USP31: variants seen among roughly 807,000 people sequenced by gnomAD.
USP31 encodes ubiquitin carboxyl-terminal hydrolase 31.
A neutral mutation model predicts 119.4 loss-of-function variants in USP31; 44 were observed. The observed-to-expected ratio is 0.37, with a 90% CI of 0.29 to 0.47. USP31 has a LOEUF of 0.47. USP31 is among the 20% of genes least tolerant of loss of function. USP31 has a pLI of 0.99. For synonymous variants in USP31, 749 were observed against 705.6 expected, an observed-to-expected ratio of 1.06 and a Z score of -0.97; for missense variants, 1,643 against 1,730.2, an observed-to-expected ratio of 0.95 and a Z score of 0.89.
chr16:23,085,450 G>A, intron 10 of USP31, 135 bp downstream of exon 10: 1 of 791,704 alleles, frequency 1.3e-6, no homozygotes, highest in Admixed American at 2.4e-5. Flanking sequence ...TAAATAAAGG[G>A]TTAACAACAC....
At chr16:23,119,261 G>A (rs1902593992) in intron 1 of USP31, among the ~76,000 whole-genome samples, 1 of 151,860 alleles carries the variant, frequency 6.6e-6, no homozygotes, top group South Asian at 2.1e-4. Context: ...ACCATGCCCA[G>A]CTAATTTTTG....
intron 7 of USP31, among the ~76,000 whole-genome samples, chr16:23,088,544 G>T (rs1317357044): frequency 6.6e-6 from 1 of 152,144 alleles, no homozygotes; most frequent in African/African-American, 2.4e-5. Flanking sequence ...CGCCCAGTCA[G>T]TCAAACCTGA....
At chr16:23,082,964 G>A (rs1900903925) in intron 11 of USP31, among the ~76,000 whole-genome samples, 1 of 151,108 alleles carries the variant, frequency 6.6e-6, no homozygotes, top group Admixed American at 6.6e-5. Context: ...TTCAGTAGCT[G>A]GGACCACAGG....
Position 23,090,741 on chromosome 16 carries a change from G to A in USP31, c.1298C>T (p.Ser433Phe), listed in dbSNP as rs751889570. The change falls in exon 7 of 16, where the codon TCT becomes TTT. Residue 433 changes from serine (S) to phenylalanine (F), a missense_variant. Ser to Phe is a radical substitution (Grantham distance 155). Around this residue, in one of 5 missense-constraint regions of USP31, gnomAD observed 219 missense variants for 226.4 expected, o/e 0.97. Transcript: ENST00000219689. ...KFGLDYHRLS[S>F]PTQTAAKQGK... Reference sequence around the variant, plus strand: ...CTGCTTTGCTGCTGTTTGTGTAGGAGAAGACAGTCTATGATAATCCAAGCC... The same window carrying A: ...CTGCTTTGCTGCTGTTTGTGTAGGAAAAGACAGTCTATGATAATCCAAGCC... The A allele has an allele frequency of 5.6e-6, 9 of 1,613,918 alleles. No homozygotes were observed. In the South Asian group the frequency reaches 7.7e-5, roughly 14 times the overall value.
Position 23,148,880 on chromosome 16 carries a change from GGAGCCCCGCCACGCC to G in USP31, c.376_390del (p.Gly126_Leu130del). The G allele has an allele frequency of 6.8e-7, 1 of 1,470,918 alleles. No individual in the cohort carries two copies. Among genetic ancestry groups the G allele is most frequent in the East Asian group, 2.8e-5 (1 of 35,786 alleles). The allele number at this position is 1,470,918 out of a possible 1,614,324, so 91.1% of individuals were successfully genotyped here. ...ATGAAGCACGTGTTGCCGTGGTTGC[GGAGCCCCGCCACGCC>G]GGGCACCGGCTCGGCGGCGCAAGCG... is the stretch of plus-strand genomic sequence containing the variant. On this transcript the variant is annotated inframe_deletion, in exon 1 of 16. Transcript: ENST00000219689.
chr16:23,145,175 T>C (rs1301172589), intron 1 of USP31, among the ~76,000 whole-genome samples: 2 of 152,326 alleles, frequency 1.3e-5, no homozygotes, highest in East Asian at 3.9e-4. Context: ...GGAGCCACCT[T>C]TTTGGTAATG....
chr16:23,070,142 C>G (rs890213187), intron 15 of USP31, among the ~76,000 whole-genome samples: 4 of 152,216 alleles, frequency 2.6e-5, no homozygotes, highest in Non-Finnish European at 4.4e-5. Context: ...CCCAACAGAG[C>G]ACCTGGCATT....
At chr16:23,133,537 T>A (rs574296491) in intron 1 of USP31, among the ~76,000 whole-genome samples, 236 of 152,330 alleles carry the variant, frequency 1.5e-3, no homozygotes, top group African/African-American at 5.5e-3. Context: ...TCATACAACA[T>A]GGGGATTATC....
At chr16:23,128,416 ATAAC>A (rs1902931125) in intron 1 of USP31, among the ~76,000 whole-genome samples, 1 of 152,236 alleles carries the variant, frequency 6.6e-6, no homozygotes, top group African/African-American at 2.4e-5. Flanking sequence ...GTTAAAAACT[ATAAC>A]TGACTGAATA....
intron 11 of USP31, 63 bp from the exon 12 acceptor site, chr16:23,082,620 C>T (rs1812938244): frequency 1.4e-5 from 22 of 1,605,702 alleles, no homozygotes; most frequent in Non-Finnish European, 1.8e-5. Flanking sequence ...TACAGCTGGA[C>T]TAATGCCTTA....
intron 1 of USP31, among the ~76,000 whole-genome samples, chr16:23,135,816 G>A (rs1903171731): frequency 6.6e-6 from 1 of 152,042 alleles, no homozygotes; most frequent in South Asian, 2.1e-4. Context: ...TCTTTTGGAA[G>A]AAATAGAAAA....
At chr16:23,121,565 CAA>C (rs1902670290) in intron 1 of USP31, among the ~76,000 whole-genome samples, 1 of 152,112 alleles carries the variant, frequency 6.6e-6, no homozygotes, top group Admixed American at 6.5e-5. Flanking sequence ...AGACAGCAAA[CAA>C]AGAGAAGAGT....
At position 23,129,971 on chromosome 16, in the gene USP31, C is replaced by T. The variant is rs564879127; in HGVS notation, c.633+18667G>A. Among the ~76,000 whole-genome samples, 12 of 152,264 alleles carry T rather than the reference C, an allele frequency of 7.9e-5. No individual in the cohort carries two copies. The South Asian group carries it at 2.5e-3, about 32-fold the overall frequency. On this transcript the variant is annotated intron_variant, in intron 1 of 15. Transcript: ENST00000219689. ...GGGGACTGTGAAATAATAATGCTAACAGATTTCTCTATACCAGGCACCATA... is the reference window on the plus strand; with the variant it reads ...GGGGACTGTGAAATAATAATGCTAATAGATTTCTCTATACCAGGCACCATA...
intron 1 of USP31, among the ~76,000 whole-genome samples, chr16:23,116,534 A>G (rs1031900906): frequency 3.3e-5 from 5 of 152,238 alleles, no homozygotes; most frequent in Non-Finnish European, 7.3e-5. Context: ...ATAGTATGAC[A>G]TACTAGGACA....
At chr16:23,130,844 G>A (rs532212748) in intron 1 of USP31, among the ~76,000 whole-genome samples, 4 of 152,306 alleles carry the variant, frequency 2.6e-5, no homozygotes, top group South Asian at 2.1e-4. Context: ...CGTAAGTCAC[G>A]TGCTAGTAAC....
chr16:23,087,599 T>C (rs1013303604), intron 8 of USP31, 125 bp downstream of exon 8: 24 of 867,974 alleles, frequency 2.8e-5, no homozygotes, highest in Non-Finnish European at 4.0e-5. Flanking sequence ...AGCTCTTTCA[T>C]AAAATGAGGG....
chr16:23,092,925 T>C (rs1444681332), intron 6 of USP31, among the ~76,000 whole-genome samples: 9 of 152,110 alleles, frequency 5.9e-5, no homozygotes, highest in Admixed American at 3.9e-4. Context: ...ACCAAGACCA[T>C]TCAATGAGGA....
chr16:23,112,312 C>T (rs1462505182), intron 1 of USP31, among the ~76,000 whole-genome samples: 1 of 152,156 alleles, frequency 6.6e-6, no homozygotes, highest in Non-Finnish European at 1.5e-5. Flanking sequence ...GACATGGTGG[C>T]TCACGCCTGT....
rs774660899 is a variant in USP31 at position 23,068,080 on chromosome 16, T to G, written c.4025A>C (p.Gln1342Pro). ...KSSKKLSSSM[Q>P]TSARPSQKPQ ...TTTTTGAGAAGGCCGTGCAGAGGTT[T>G]GCATGCTAGAAGATAACTTTTTTGA... is the stretch of plus-strand genomic sequence containing the variant. Residue 1342 changes from glutamine to proline, a missense_variant, in exon 16 of 16, where the codon CAA (glutamine) becomes CCA (proline). Physicochemically the swap from Gln to Pro is moderately conservative, Grantham distance 76 (BLOSUM62 -1). Coordinates refer to ENST00000219689, the MANE Select transcript of USP31 (RefSeq NM_020718.4). 5 of 1,614,154 alleles carry G rather than the reference T, an allele frequency of 3.1e-6. No individual in the cohort carries two copies. The highest frequency in any genetic ancestry group is 4.2e-6 in the Non-Finnish European group (5 of 1,180,006).
Sources: allele counts gnomAD v4.1 joint callset (sites outside exome capture counted in the v4.1 genomes callset), GRCh38; gene constraint gnomAD v4.1.1; regional missense constraint gnomAD v4.1.1; transcripts MANE v1.5; gene names NCBI Gene and HGNC (gene_info 2026-07-23, HGNC 2026-07-21).